SLC16A12: variants seen among roughly 807,000 people sequenced by gnomAD.
The protein encoded by SLC16A12 is monocarboxylate transporter 12.
In SLC16A12, 17 loss-of-function variants were observed where a neutral mutation model predicts 42.4. That is an observed-to-expected ratio of 0.40 (90% confidence interval 0.27 to 0.60). The LOEUF (loss-of-function observed/expected upper bound fraction) is 0.60, where lower values mean the gene tolerates loss of function less well. SLC16A12 is among the 20% of genes least tolerant of loss of function. The probability of loss-of-function intolerance (pLI) is 0.42; values close to 1 mark genes in which losing one functional copy is unlikely to be tolerated. For missense variants in SLC16A12, 544 were observed against 623.0 expected, an observed-to-expected ratio of 0.87 and a Z score of 1.35; for synonymous variants, 224 against 229.4, an observed-to-expected ratio of 0.98 and a Z score of 0.21.
At chr10:89,499,500 G>A (rs1003865500) in intron 2 of SLC16A12, among the ~76,000 whole-genome samples, 2 of 152,176 alleles carry the variant, frequency 1.3e-5, no homozygotes, top group African/African-American at 4.8e-5. Context: ...GTTACGGTGA[G>A]CCCAGATCCT....
At chr10:89,444,842 A>G (rs934599284) in intron 3 of SLC16A12, among the ~76,000 whole-genome samples, 3 of 152,324 alleles carry the variant, frequency 2.0e-5, no homozygotes, top group East Asian at 1.9e-4. Flanking sequence ...TCCCTTTCCT[A>G]GCTAAGGGAA....
chr10:89,470,610 T>C (rs1291324414), intron 2 of SLC16A12, among the ~76,000 whole-genome samples: 1 of 152,202 alleles, frequency 6.6e-6, no homozygotes, highest in African/African-American at 2.4e-5. Context: ...AGGGATTCCA[T>C]GGCAAAAGTG....
At chr10:89,469,618 A>G (rs1362093301) in intron 2 of SLC16A12, among the ~76,000 whole-genome samples, 2 of 151,956 alleles carry the variant, frequency 1.3e-5, no homozygotes, top group Non-Finnish European at 1.5e-5. Context: ...TATTTCCTTC[A>G]CCTTTAGCTG....
At chr10:89,442,179 A>T (rs182670722) in intron 4 of SLC16A12, among the ~76,000 whole-genome samples, 9 of 152,330 alleles carry the variant, frequency 5.9e-5, no homozygotes, top group African/African-American at 2.2e-4. Flanking sequence ...ATTGGGGGTC[A>T]ACTGTTACCT....
At chr10:89,449,016 G>C (rs987002883) in intron 3 of SLC16A12, among the ~76,000 whole-genome samples, 1 of 152,072 alleles carries the variant, frequency 6.6e-6, no homozygotes, top group Non-Finnish European at 1.5e-5. Context: ...AATTGCTACA[G>C]AGAGAATAAA....
intron 2 of SLC16A12, among the ~76,000 whole-genome samples, chr10:89,504,838 C>T (rs1218934158): frequency 6.6e-6 from 1 of 152,098 alleles, no homozygotes; most frequent in East Asian, 1.9e-4. Context: ...GCCAACAAGC[C>T]CTGGTTCTCT....
At chr10:89,492,622 C>A (rs890012770) in intron 2 of SLC16A12, among the ~76,000 whole-genome samples, 1 of 151,932 alleles carries the variant, frequency 6.6e-6, no homozygotes, top group Non-Finnish European at 1.5e-5. Context: ...CACAAGAGTG[C>A]GATGGTGCCG....
intron 2 of SLC16A12, among the ~76,000 whole-genome samples, chr10:89,470,777 T>A (rs1399420205): frequency 6.6e-6 from 1 of 152,202 alleles, no homozygotes; most frequent in African/African-American, 2.4e-5. Flanking sequence ...AGCACCAAGA[T>A]GAGTTTCACT....
At chr10:89,470,982 C>T (rs1263994768) in intron 2 of SLC16A12, among the ~76,000 whole-genome samples, 3 of 152,132 alleles carry the variant, frequency 2.0e-5, no homozygotes, top group African/African-American at 7.2e-5. Flanking sequence ...GGAATAAACA[C>T]AAGAGAGGAG....
chr10:89,439,259 A>G, intron 5 of SLC16A12, 76 bp from the exon 6 acceptor site: 1 of 1,428,536 alleles, frequency 7.0e-7, no homozygotes, highest in Non-Finnish European at 9.7e-7. Flanking sequence ...AATGATTTAT[A>G]TTAAAGAGAA....
intron 2 of SLC16A12, among the ~76,000 whole-genome samples, chr10:89,481,898 A>T (rs1221496157): frequency 1.1e-4 from 16 of 152,166 alleles, no homozygotes; most frequent in Admixed American, 1.0e-3. Flanking sequence ...TGAGGAAATC[A>T]TTCTCTTTTT....
intron 2 of SLC16A12, among the ~76,000 whole-genome samples, chr10:89,500,421 A>G (rs772725202): frequency 3.3e-5 from 5 of 152,370 alleles, no homozygotes; most frequent in African/African-American, 2.4e-5. Flanking sequence ...ATCCAACAAC[A>G]TATCAAAAAG....
At chr10:89,517,818 C>A (rs1021411738) in intron 2 of SLC16A12, among the ~76,000 whole-genome samples, 9 of 152,118 alleles carry the variant, frequency 5.9e-5, no homozygotes, top group African/African-American at 2.2e-4. Context: ...TTGCCATATT[C>A]CAACAGTCCT....
At position 89,433,176 on chromosome 10, in the gene SLC16A12, G is replaced by A. The variant is rs570248561; in HGVS notation, c.1439C>T (p.Pro480Leu). Reference sequence around the variant, plus strand: ...TCCATTGGTCCATAGCTGCAGCTTAGGATCAGATTCTTTGGCAATGAACTG... The same window carrying A: ...TCCATTGGTCCATAGCTGCAGCTTAAGATCAGATTCTTTGGCAATGAACTG... ...QLQFIAKESD[P>L]KLQLWTNGSV... Residue 480 changes from proline to leucine, a missense_variant, in exon 8 of 8, where the codon CCT becomes CTT. Physicochemically the swap from Pro to Leu is moderately conservative, Grantham distance 98. Coordinates refer to ENST00000371790, the MANE Select transcript of SLC16A12 (RefSeq NM_213606.4). The A allele has an allele frequency of 6.2e-7, 1 of 1,614,144 alleles. No individual in the cohort carries two copies.
At chr10:89,508,273 C>T (rs941031477) in intron 2 of SLC16A12, among the ~76,000 whole-genome samples, 3 of 152,216 alleles carry the variant, frequency 2.0e-5, no homozygotes, top group African/African-American at 7.2e-5. Context: ...ATAGAATATA[C>T]ATTCTTCTCA....
At chr10:89,517,966 G>GA (rs1843282972) in intron 2 of SLC16A12, among the ~76,000 whole-genome samples, 1 of 152,202 alleles carries the variant, frequency 6.6e-6, no homozygotes, top group Non-Finnish European at 1.5e-5. Context: ...AATAAGGAGG[G>GA]AAAAAAGGGC....
chr10:89,445,456 C>A (rs371430726), intron 3 of SLC16A12, among the ~76,000 whole-genome samples: 4 of 152,318 alleles, frequency 2.6e-5, no homozygotes, highest in African/African-American at 7.2e-5. Flanking sequence ...TGATACCAGG[C>A]AAACAGGGTC....
intron 2 of SLC16A12, among the ~76,000 whole-genome samples, chr10:89,544,672 G>A (rs2133886586): frequency 6.6e-6 from 1 of 152,232 alleles, no homozygotes; most frequent in African/African-American, 2.4e-5. Context: ...TGATATACCA[G>A]GCCCTGTGTA....
At chr10:89,492,727 A>G (rs986518999) in intron 2 of SLC16A12, among the ~76,000 whole-genome samples, 3 of 152,090 alleles carry the variant, frequency 2.0e-5, no homozygotes, top group African/African-American at 7.2e-5. Context: ...GTATAGCACC[A>G]TGGAGTTTAT....
Sources: allele counts gnomAD v4.1 joint callset (sites outside exome capture counted in the v4.1 genomes callset), GRCh38; gene constraint gnomAD v4.1.1; transcripts MANE v1.5; gene names NCBI Gene and HGNC (gene_info 2026-07-23, HGNC 2026-07-21).